The following MOB3B variants were observed in gnomAD, a reference collection of about 807,000 sequenced individuals.
MOB3B encodes the protein MOB kinase activator-like 2B.
Under a neutral mutation model 18.7 loss-of-function variants are expected in MOB3B, and 7 were observed. The observed-to-expected ratio is 0.37, with a 90% CI of 0.21 to 0.70. MOB3B has a LOEUF of 0.70. Among genes scored for constraint, MOB3B ranks in the 30% least tolerant of loss-of-function variants. The pLI is 0.52. For synonymous variants in MOB3B, 111 were observed against 99.9 expected, an observed-to-expected ratio of 1.11 and a Z score of -0.66; for missense variants, 253 against 281.3, an observed-to-expected ratio of 0.90 and a Z score of 0.72.
chr9:27,405,093 C>CTTTTTTTTTTTTTTTTT lies in MOB3B; in HGVS notation c.419-45874_419-45858dup, dbSNP rs74178386. On this transcript the variant is annotated intron_variant, in intron 2 of 3. Coordinates refer to ENST00000262244, the MANE Select transcript of MOB3B (RefSeq NM_024761.5). ...AGAAATATCTATTCAGAACCTTTGT[C>CTTTTTTTTTTTTTTTTT]TTTTTTTTTTTTTTTTTTTTTTTTT... 4.1e-5 allele frequency among the ~76,000 whole-genome samples: 2 copies of CTTTTTTTTTTTTTTTTT among 48,370 alleles called. 1 individual carries two copies. The highest frequency in any genetic ancestry group is 7.0e-5 in the Non-Finnish European group (2 of 28,718). 31.7% of individuals were successfully genotyped at this position (48,370 alleles called of 152,430 possible). A position where few individuals can be genotyped will look rare whatever the true frequency, so the allele number is the denominator to read the frequency against.
At chr9:27,422,135 G>A (rs560959406) in intron 2 of MOB3B, among the ~76,000 whole-genome samples, 13 of 152,222 alleles carry the variant, frequency 8.5e-5, no homozygotes, top group Admixed American at 7.2e-4. Context: ...CTCTTTTCAG[G>A]GCAATAAGTT....
At chr9:27,521,333 C>A (rs114833104) in intron 1 of MOB3B, among the ~76,000 whole-genome samples, 1 of 152,272 alleles carries the variant, frequency 6.6e-6, no homozygotes, top group East Asian at 1.9e-4. Context: ...GCTGAAAATA[C>A]AGGCAACTTC....
intron 3 of MOB3B, among the ~76,000 whole-genome samples, chr9:27,357,154 T>A (rs1301569533): frequency 1.9e-3 from 144 of 74,222 alleles, no homozygotes; most frequent in South Asian, 3.7e-3. Context: ...ATGTGTTTTT[T>A]TTTTTGCCAT....
At chr9:27,364,930 A>C (rs1343223718) in intron 2 of MOB3B, among the ~76,000 whole-genome samples, 1 of 152,190 alleles carries the variant, frequency 6.6e-6, no homozygotes, top group African/African-American at 2.4e-5. Flanking sequence ...GGTACTAAAT[A>C]AGCCCTGGAG....
intron 1 of MOB3B, among the ~76,000 whole-genome samples, chr9:27,529,083 G>A (rs1820488392): frequency 6.6e-6 from 1 of 152,090 alleles, no homozygotes; most frequent in African/African-American, 2.4e-5. Flanking sequence ...GCCCCAAGCC[G>A]AGACTCCTCC....
intron 2 of MOB3B, among the ~76,000 whole-genome samples, chr9:27,393,580 T>A (rs1245355406): frequency 1.3e-5 from 2 of 152,204 alleles, no homozygotes; most frequent in Non-Finnish European, 2.9e-5. Flanking sequence ...ATAAATATTA[T>A]TCTACAAACA....
At chr9:27,434,876 C>T (rs62541572) in intron 2 of MOB3B, among the ~76,000 whole-genome samples, 26,265 of 151,990 alleles carry the variant, frequency 0.17, 2,569 homozygotes, top group Middle Eastern at 0.27. Flanking sequence ...GAAAAACCAC[C>T]CCAAAACATG....
intron 1 of MOB3B, among the ~76,000 whole-genome samples, chr9:27,513,300 G>A (rs2814709): frequency 0.25 from 37,254 of 151,796 alleles, 4,720 homozygotes; most frequent in Admixed American, 0.3. Context: ...AGGTCACCAT[G>A]ACTCTCCCCA....
chr9:27,342,787 G>C (rs189139736), intron 3 of MOB3B, among the ~76,000 whole-genome samples: 102 of 151,764 alleles, frequency 6.7e-4, no homozygotes, highest in Middle Eastern at 3.4e-3. Context: ...GCCCAGGCTG[G>C]AGTGCAGTGG....
At chr9:27,450,353 A>G (rs1329199394) in intron 2 of MOB3B, among the ~76,000 whole-genome samples, 1 of 152,194 alleles carries the variant, frequency 6.6e-6, no homozygotes, top group African/African-American at 2.4e-5. Context: ...TTGAAAGAAT[A>G]AATTAATAAT....
At chr9:27,403,511 T>C (rs1170540833) in intron 2 of MOB3B, among the ~76,000 whole-genome samples, 3 of 143,176 alleles carry the variant, frequency 2.1e-5, no homozygotes, top group African/African-American at 7.7e-5. Context: ...TCTGGCTCTT[T>C]ACTAATTTTT....
At chr9:27,333,482 G>A (rs1438326838) in intron 3 of MOB3B, among the ~76,000 whole-genome samples, 1 of 152,114 alleles carries the variant, frequency 6.6e-6, no homozygotes, top group Non-Finnish European at 1.5e-5. Flanking sequence ...GGCCAAAATA[G>A]CTTCTACCCA....
At chr9:27,421,284 G>C (rs1332152642) in intron 2 of MOB3B, 2 of 152,106 alleles carry the variant, frequency 1.3e-5, no homozygotes, top group African/African-American at 4.8e-5. Context: ...GGAGATGGGG[G>C]TTTCATCATA....
intron 1 of MOB3B, among the ~76,000 whole-genome samples, chr9:27,481,580 C>T (rs1475546375): frequency 7.3e-6 from 1 of 136,694 alleles, no homozygotes; most frequent in East Asian, 2.3e-4. Flanking sequence ...TGCAGGAGTA[C>T]AGTGGCGTGA....
intron 2 of MOB3B, among the ~76,000 whole-genome samples, chr9:27,402,899 G>A (rs774257327): frequency 6.6e-5 from 10 of 152,202 alleles, no homozygotes; most frequent in Non-Finnish European, 1.3e-4. Context: ...GCAATTGTGC[G>A]ATGAGCCTTT....
In MOB3B at chr9:27,343,980, T is replaced by C. The variant is rs186897656; in HGVS notation, c.622-13364A>G. Reference sequence around the variant, plus strand: ...CCAAGATACAGAGTTTGAAGCTAGATAGATGATGGTAATGGTTGCATGACA... The same window carrying C: ...CCAAGATACAGAGTTTGAAGCTAGACAGATGATGGTAATGGTTGCATGACA... On this transcript the variant is annotated intron_variant, in intron 3 of 3. Transcript: ENST00000262244. Among the ~76,000 whole-genome samples the C allele has an allele frequency of 1.5e-4, 23 of 152,194 alleles. No individual in the cohort carries two copies. The East Asian group carries it at 3.1e-3, about 20-fold the overall frequency.
At position 27,325,557 on chromosome 9, in the gene MOB3B, C is replaced by T. The variant is rs937792768; in HGVS notation, c.*5030G>A. ...GAATTAATACCTGTCCAGAGGGAAA[C>T]AGCCTGTTATAAAAGCTTTCTGTTA... On this transcript the variant is annotated 3_prime_UTR_variant, in exon 4 of 4. Transcript: ENST00000262244. 5.9e-5 allele frequency: 9 copies of T among 152,298 alleles called. No individual in the cohort carries two copies. The highest frequency in any genetic ancestry group is 2.2e-4 in the African/African-American group (9 of 41,564). 9.4% of individuals were successfully genotyped at this position (152,298 alleles called of 1,614,324 possible).
At chr9:27,332,712 A>G (rs1007080948) in intron 3 of MOB3B, among the ~76,000 whole-genome samples, 4 of 152,242 alleles carry the variant, frequency 2.6e-5, no homozygotes, top group Admixed American at 6.5e-5. Flanking sequence ...GTCTACTGCT[A>G]TACAGATATT....
At chr9:27,338,962 G>A (rs963436875) in intron 3 of MOB3B, among the ~76,000 whole-genome samples, 3 of 152,204 alleles carry the variant, frequency 2.0e-5, no homozygotes, top group Non-Finnish European at 4.4e-5. Context: ...CCTTGGTGCA[G>A]AGTGAGGGTG....
Sources: gnomAD v4.1 joint callset for allele counts (sites outside exome capture counted in the v4.1 genomes callset) on GRCh38, gnomAD v4.1.1 for gene constraint, MANE v1.5 for transcripts, NCBI Gene and HGNC (gene_info 2026-07-23, HGNC 2026-07-21) for gene names.